The following PAPPA variants were observed in gnomAD, a reference collection of about 807,000 sequenced individuals.
PAPPA encodes pappalysin-1.
A neutral mutation model predicts 164.0 loss-of-function variants in PAPPA; 60 were observed. The ratio of observed to expected loss-of-function variants is 0.37; its 90% CI spans 0.30 to 0.45. PAPPA has a LOEUF of 0.45. Ranked by LOEUF, PAPPA falls within the 20% of genes least tolerant of loss-of-function variation. The pLI is 1.00. For missense variants in PAPPA, 1,782 were observed against 2,087.3 expected (o/e 0.85, Z 2.85); for synonymous variants, 875 against 814.1 (o/e 1.07, Z -1.27).
chr9:116,337,744 T>G (rs921474889), intron 13 of PAPPA, among the ~76,000 whole-genome samples: 1 of 151,764 alleles, frequency 6.6e-6, no homozygotes. Context: ...CTCTTCCTCA[T>G]TTTCTGTCTC....
At chr9:116,362,422 A>C (rs561613851) in intron 17 of PAPPA, among the ~76,000 whole-genome samples, 170 bp from the exon 18 acceptor site, 1 of 152,356 alleles carries the variant, frequency 6.6e-6, no homozygotes, top group African/African-American at 2.4e-5. Context: ...GGAGACACTA[A>C]CAATACCCCT....
chr9:116,385,709 T>A (rs1846800987), intron 21 of PAPPA, among the ~76,000 whole-genome samples: 1 of 152,252 alleles, frequency 6.6e-6, no homozygotes, highest in Non-Finnish European at 1.5e-5. Context: ...CTTCTTCCAC[T>A]TTAAATTCTT....
intron 15 of PAPPA, among the ~76,000 whole-genome samples, chr9:116,348,172 T>C (rs1490955118): frequency 6.6e-6 from 1 of 151,858 alleles, no homozygotes; most frequent in Non-Finnish European, 1.5e-5. Flanking sequence ...CAGGGAAATA[T>C]CTCTCTATTT....
At chr9:116,257,923 T>C (rs1257937050) in intron 7 of PAPPA, among the ~76,000 whole-genome samples, 1 of 151,990 alleles carries the variant, frequency 6.6e-6, no homozygotes, top group African/African-American at 2.4e-5. Flanking sequence ...CGTAATTATG[T>C]GTATGTGTGT....
At chr9:116,236,198 A>C (rs1428606317) in intron 7 of PAPPA, among the ~76,000 whole-genome samples, 10 of 152,156 alleles carry the variant, frequency 6.6e-5, no homozygotes, top group Admixed American at 6.5e-4. Context: ...CAGTGGTTCA[A>C]ACCCATTTGA....
intron 13 of PAPPA, among the ~76,000 whole-genome samples, chr9:116,337,032 A>G (rs1846070547): frequency 6.6e-6 from 1 of 152,228 alleles, no homozygotes; most frequent in African/African-American, 2.4e-5. Context: ...GCTCAGAGAA[A>G]CAGAGTGAGT....
chr9:116,180,508 G>A (rs185017152), intron 1 of PAPPA, among the ~76,000 whole-genome samples: 114 of 152,086 alleles, frequency 7.5e-4, no homozygotes, highest in Middle Eastern at 6.8e-3. Context: ...CTAAATAGAG[G>A]CTTTCAGAAA....
chr9:116,393,867 A>C (rs957213888), intron 21 of PAPPA, among the ~76,000 whole-genome samples: 33 of 152,310 alleles, frequency 2.2e-4, no homozygotes, highest in Non-Finnish European at 2.8e-4. Flanking sequence ...AAACCATGTA[A>C]GATCTGAGAC....
intron 17 of PAPPA, among the ~76,000 whole-genome samples, chr9:116,360,551 T>G (rs1564241028): frequency 1.3e-5 from 2 of 152,226 alleles, no homozygotes; most frequent in African/African-American, 4.8e-5. Flanking sequence ...AGGAGTTTAT[T>G]CATTTTCTCA....
At chr9:116,370,054 A>G (rs1013853013) in intron 19 of PAPPA, among the ~76,000 whole-genome samples, 5 of 152,104 alleles carry the variant, frequency 3.3e-5, no homozygotes, top group African/African-American at 1.2e-4. Context: ...TCCAGGCCAG[A>G]GGAGGCCCTG....
At chr9:116,306,647 A>C (rs1217432043) in intron 10 of PAPPA, among the ~76,000 whole-genome samples, 1 of 152,200 alleles carries the variant, frequency 6.6e-6, no homozygotes, top group Non-Finnish European at 1.5e-5. Flanking sequence ...AAATCAAGTT[A>C]TCTCTCTTCT....
intron 7 of PAPPA, among the ~76,000 whole-genome samples, chr9:116,237,663 T>G (rs1844684641): frequency 6.6e-6 from 1 of 152,130 alleles, no homozygotes; most frequent in African/African-American, 2.4e-5. Flanking sequence ...CTTTCTAGTC[T>G]TCCGATGCCT....
intron 5 of PAPPA, among the ~76,000 whole-genome samples, chr9:116,221,803 T>C (rs1844449886): frequency 6.6e-6 from 1 of 152,128 alleles, no homozygotes; most frequent in Non-Finnish European, 1.5e-5. Context: ...GTCAAAGACA[T>C]ATTAGGCAAA....
chr9:116,187,449 G>A lies in PAPPA; in HGVS notation c.711G>A (p.Val237=), dbSNP rs1843986036. The A allele has an allele frequency of 6.2e-7, 1 of 1,614,062 alleles. No individual in the cohort carries two copies. Among genetic ancestry groups the A allele is most frequent in the African/African-American group, 1.3e-5 (1 of 74,922 alleles). ...IFSPLTQKCK[V]LMLGGSALNH... is the part of the protein sequence containing the mutation. ...GCCCACTGACCCAGAAGTGCAAAGT[G>A]CTCATGTTAGGGGGCAGTGCCCTGA... The change falls in exon 2 of 22, where the codon GTG becomes GTA. Residue 237 remains valine, a synonymous_variant. Transcript: ENST00000328252. The surrounding 1 kb of genome is among the most constrained non-coding windows in gnomAD (Gnocchi z 4.2).
intron 10 of PAPPA, among the ~76,000 whole-genome samples, chr9:116,321,027 T>C (rs1160379226): frequency 1.3e-5 from 2 of 151,752 alleles, no homozygotes; most frequent in East Asian, 3.9e-4. Context: ...ATTGTTGTTA[T>C]ACATTTTTTT....
At chr9:116,262,247 A>G (rs1845011908) in intron 7 of PAPPA, among the ~76,000 whole-genome samples, 2 of 152,182 alleles carry the variant, frequency 1.3e-5, no homozygotes, top group Admixed American at 6.5e-5. Flanking sequence ...CAACCCTTCA[A>G]AATAGACAAA....
At chr9:116,284,658 C>T (rs1845310468) in intron 9 of PAPPA, among the ~76,000 whole-genome samples, 1 of 142,724 alleles carries the variant, frequency 7.0e-6, no homozygotes, top group Admixed American at 7.7e-5. Context: ...TGCCATCTTT[C>T]TTTCCAGACC....
chr9:116,369,326 C>T (rs1344187997), intron 19 of PAPPA, among the ~76,000 whole-genome samples: 2 of 152,100 alleles, frequency 1.3e-5, no homozygotes, highest in Non-Finnish European at 2.9e-5. Context: ...GCAGGGAGCC[C>T]ACATGTCAGA....
intron 21 of PAPPA, among the ~76,000 whole-genome samples, chr9:116,389,847 A>C: frequency 6.7e-6 from 1 of 149,474 alleles, no homozygotes. Flanking sequence ...AATACTTATC[A>C]CCCTGGCACA....
Sources: allele counts gnomAD v4.1 joint callset (sites outside exome capture counted in the v4.1 genomes callset), GRCh38; gene constraint gnomAD v4.1.1; non-coding constraint Gnocchi (gnomAD v3.1); transcripts MANE v1.5; gene names NCBI Gene and HGNC (gene_info 2026-07-23, HGNC 2026-07-21).